PITPNB: variants seen among roughly 807,000 people sequenced by gnomAD.
PITPNB encodes the protein phosphatidylinositol transfer protein beta isoform.
A neutral mutation model predicts 45.9 loss-of-function variants in PITPNB; 16 were observed. The ratio of observed to expected loss-of-function variants is 0.35; its 90% CI spans 0.24 to 0.53. The LOEUF (loss-of-function observed/expected upper bound fraction) is 0.53, where lower values mean the gene tolerates loss of function less well. Ranked by LOEUF, PITPNB falls within the 20% of genes least tolerant of loss-of-function variation. PITPNB has a pLI of 0.93. For missense variants in PITPNB, 188 were observed against 330.5 expected (o/e 0.57, Z 3.34); for synonymous variants, 112 against 108.9 (o/e 1.03, Z -0.18).
At chr22:27,872,092 T>TG (rs1326656294) in intron 8 of PITPNB, among the ~76,000 whole-genome samples, 2 of 135,458 alleles carry the variant, frequency 1.5e-5, no homozygotes, top group African/African-American at 2.8e-5. Context: ...TTTTTTTTTT[T>TG]TTTTTTTTTT....
chr22:27,909,543 C>A (rs911781062), intron 3 of PITPNB, among the ~76,000 whole-genome samples: 15 of 152,178 alleles, frequency 9.9e-5, no homozygotes, highest in African/African-American at 3.6e-4. Context: ...AGACATTCAA[C>A]CTCACTAATA....
chr22:27,881,699 C>T (rs59173173), intron 7 of PITPNB, among the ~76,000 whole-genome samples: 3,085 of 152,274 alleles, frequency 0.02, 101 homozygotes, highest in African/African-American at 0.071. Flanking sequence ...TAAGCAGCAG[C>T]AGTTGGAACA....
chr22:27,868,633 C>A (rs1934554451), intron 8 of PITPNB, among the ~76,000 whole-genome samples: 2 of 152,146 alleles, frequency 1.3e-5, no homozygotes, highest in South Asian at 4.1e-4. Flanking sequence ...ACTGCTGGAG[C>A]ATTTGCTCAG....
At chr22:27,871,329 T>C (rs1934652898) in intron 8 of PITPNB, among the ~76,000 whole-genome samples, 2 of 152,306 alleles carry the variant, frequency 1.3e-5, no homozygotes, top group African/African-American at 4.8e-5. Context: ...CACCACATAA[T>C]GTAGCATTGT....
intron 8 of PITPNB, among the ~76,000 whole-genome samples, chr22:27,867,712 T>A (rs1934525665): frequency 6.6e-6 from 1 of 152,178 alleles, no homozygotes; most frequent in African/African-American, 2.4e-5. Flanking sequence ...TCTGGAAGTG[T>A]CTGGAAGAAT....
chr22:27,908,359 A>G (rs1445984598), intron 3 of PITPNB, among the ~76,000 whole-genome samples: 1 of 150,248 alleles, frequency 6.7e-6, no homozygotes, highest in Non-Finnish European at 1.5e-5. Context: ...ATTTTTTTCA[A>G]AACACATGTA....
At chr22:27,856,567 C>G (rs1264359777) in intron 10 of PITPNB, among the ~76,000 whole-genome samples, 7 of 152,302 alleles carry the variant, frequency 4.6e-5, no homozygotes, top group Admixed American at 3.9e-4. Context: ...GGTTTAGAGT[C>G]CAAACCAGAT....
In PITPNB at chr22:27,853,352, T is replaced by G; in HGVS notation, c.*350A>C. The G allele has an allele frequency of 2.4e-6, 1 of 409,430 alleles. No homozygotes were observed. Among genetic ancestry groups the G allele is most frequent in the Non-Finnish European group, 4.3e-6 (1 of 231,294 alleles). The allele number at this position is 409,430 out of a possible 1,614,324, so 25.4% of individuals were successfully genotyped here. ...CTGTTCCAGGTATATATATTGAAAA[T>G]ATTTTCTTTTGCATTCTTGCTGAAG... is the stretch of plus-strand genomic sequence containing the variant. On this transcript the variant is annotated 3_prime_UTR_variant, in exon 12 of 12. Transcript: ENST00000335272.
intron 3 of PITPNB, among the ~76,000 whole-genome samples, chr22:27,910,085 G>A (rs575427990): frequency 1.3e-5 from 2 of 151,902 alleles, no homozygotes; most frequent in African/African-American, 2.4e-5. Flanking sequence ...CAAGTAGCTG[G>A]GACTATAGGC....
intron 7 of PITPNB, among the ~76,000 whole-genome samples, chr22:27,881,248 CAGAA>C (rs1725770054): frequency 6.6e-6 from 1 of 152,158 alleles, no homozygotes; most frequent in Admixed American, 6.6e-5. Context: ...GTTTGGCAAA[CAGAA>C]ATTTCTTAAG....
At chr22:27,869,118 T>C (rs1029329012) in intron 8 of PITPNB, among the ~76,000 whole-genome samples, 1 of 152,060 alleles carries the variant, frequency 6.6e-6, no homozygotes, top group Non-Finnish European at 1.5e-5. Context: ...CACAGTGCTA[T>C]AGAGAAACAA....
At chr22:27,865,863 T>A (rs190959319) in intron 8 of PITPNB, among the ~76,000 whole-genome samples, 19 of 152,212 alleles carry the variant, frequency 1.2e-4, no homozygotes, top group Non-Finnish European at 2.4e-4. Context: ...ATAAAAGTTT[T>A]AAAAAAATGT....
chr22:27,900,638 G>A (rs1450350843), intron 3 of PITPNB, among the ~76,000 whole-genome samples: 1 of 151,970 alleles, frequency 6.6e-6, no homozygotes, highest in Non-Finnish European at 1.5e-5. Flanking sequence ...CTGACTAAAC[G>A]AGGAAAATGT....
At chr22:27,873,678 G>T in intron 8 of PITPNB, 60 bp downstream of exon 8, 1 of 996,374 alleles carries the variant, frequency 1.0e-6, no homozygotes, top group Non-Finnish European at 1.6e-6. Context: ...TCAAGACTCA[G>T]GACCTGTCAA....
At chr22:27,905,138 T>C (rs1204544984) in intron 3 of PITPNB, among the ~76,000 whole-genome samples, 1 of 152,134 alleles carries the variant, frequency 6.6e-6, no homozygotes, top group African/African-American at 2.4e-5. Context: ...GGCTGATATT[T>C]ATAAATTTTT....
At chr22:27,875,625 A>G (rs985486374) in intron 7 of PITPNB, among the ~76,000 whole-genome samples, 1 of 151,950 alleles carries the variant, frequency 6.6e-6, no homozygotes, top group African/African-American at 2.4e-5. Context: ...AAAACCTAAA[A>G]GCAAGCTCAT....
chr22:27,876,814 A>G (rs527636991), intron 7 of PITPNB, among the ~76,000 whole-genome samples: 1 of 152,322 alleles, frequency 6.6e-6, no homozygotes, highest in Admixed American at 6.5e-5. Flanking sequence ...AATGAGCAAT[A>G]GTGTGGAATG....
chr22:27,872,590 C>G (rs1394810888), intron 8 of PITPNB, among the ~76,000 whole-genome samples: 1 of 152,184 alleles, frequency 6.6e-6, no homozygotes, highest in Non-Finnish European at 1.5e-5. Flanking sequence ...ATGCACAAGA[C>G]AGTCCACAAA....
intron 1 of PITPNB, 140 bp downstream of exon 1, chr22:27,919,032 C>A: frequency 7.8e-7 from 1 of 1,274,214 alleles, no homozygotes; most frequent in South Asian, 1.2e-5. Context: ...TTCGAAGGGG[C>A]CGGGGGAGGG....
Sources: allele counts gnomAD v4.1 joint callset (sites outside exome capture counted in the v4.1 genomes callset), GRCh38; gene constraint gnomAD v4.1.1; transcripts MANE v1.5; gene names NCBI Gene and HGNC (gene_info 2026-07-23, HGNC 2026-07-21).